The following OXSR1 variants were observed in gnomAD, a reference collection of about 807,000 sequenced individuals.
OXSR1 encodes the protein oxidative stress responsive kinase 1, also known as serine/threonine-protein kinase OSR1.
In OXSR1, 24 loss-of-function variants were observed where a neutral mutation model predicts 79.8. The observed-to-expected ratio is 0.30, with a 90% CI of 0.22 to 0.42. The LOEUF is 0.42. Among genes scored for constraint, OXSR1 ranks in the 10% least tolerant of loss-of-function variants. The probability of loss-of-function intolerance (pLI) is 1.00; values close to 1 mark genes in which losing one functional copy is unlikely to be tolerated. For missense variants in OXSR1, 430 were observed against 618.4 expected (o/e 0.70, Z 3.23); for synonymous variants, 226 against 209.2 (o/e 1.08, Z -0.69).
chr3:38,252,643 G>A (rs920297439), intron 17 of OXSR1, among the ~76,000 whole-genome samples, 174 bp from the exon 18 acceptor site: 9 of 152,066 alleles, frequency 5.9e-5, no homozygotes, highest in Admixed American at 6.6e-5. Flanking sequence ...TCTGACTCTA[G>A]CTGTTTACCC....
chr3:38,236,262 C>G (rs1702916544), intron 10 of OXSR1, among the ~76,000 whole-genome samples: 1 of 152,030 alleles, frequency 6.6e-6, no homozygotes, highest in Non-Finnish European at 1.5e-5. Flanking sequence ...GGAAGTCCTA[C>G]AGATAACTCC....
intron 9 of OXSR1, 109 bp from the exon 10 acceptor site, chr3:38,230,256 A>G: frequency 1.4e-6 from 1 of 726,632 alleles, no homozygotes; most frequent in Admixed American, 2.4e-5. Context: ...CTCACACTTC[A>G]TTACAGAACA....
At chr3:38,251,519 T>TG in intron 16 of OXSR1, 48 bp downstream of exon 16, 1 of 1,421,184 alleles carries the variant, frequency 7.0e-7, no homozygotes, top group African/African-American at 1.4e-5. Context: ...TCTGTCTGTA[T>TG]ACTTAGTACA....
chr3:38,216,730 A>C (rs1160113373), intron 5 of OXSR1, among the ~76,000 whole-genome samples: 1 of 152,176 alleles, frequency 6.6e-6, no homozygotes, highest in Non-Finnish European at 1.5e-5. Flanking sequence ...TCATCTGAGA[A>C]AACCTCAGCT....
intron 5 of OXSR1, 116 bp downstream of exon 5, chr3:38,216,267 C>T: frequency 1.5e-6 from 1 of 658,930 alleles, no homozygotes; most frequent in Non-Finnish European, 2.6e-6. Flanking sequence ...TCTATTCAAG[C>T]ATCCTCTGTT....
intron 12 of OXSR1, among the ~76,000 whole-genome samples, chr3:38,244,674 C>CGT (rs1703104880): frequency 8.1e-5 from 1 of 12,342 alleles, no homozygotes; most frequent in Non-Finnish European, 1.9e-4. Flanking sequence ...TGTGCGTGCG[C>CGT]ATGTACCACA....
intron 4 of OXSR1, among the ~76,000 whole-genome samples, chr3:38,210,777 A>G (rs1254738419): frequency 6.6e-6 from 1 of 152,198 alleles, no homozygotes; most frequent in South Asian, 2.1e-4. Context: ...TCTCTGATGG[A>G]TCTAAGAAGA....
chr3:38,199,005 A>G, intron 4 of OXSR1, 142 bp downstream of exon 4: 2 of 594,608 alleles, frequency 3.4e-6, no homozygotes, highest in East Asian at 5.5e-5. Flanking sequence ...TTAATTATAC[A>G]GCTAGTAAAC....
intron 5 of OXSR1, among the ~76,000 whole-genome samples, chr3:38,220,687 C>T (rs1426910768): frequency 6.6e-6 from 1 of 152,218 alleles, no homozygotes; most frequent in East Asian, 1.9e-4. Flanking sequence ...ATGCTGTTAG[C>T]ATGGCTCAGC....
rs1491372358 is a variant in OXSR1 at position 38,244,670 on chromosome 3, T to TGTGCGC, written c.1111-1404_1111-1403insTGCGCG. ...GTGTGTGTGTGTGTGTGTGTGTGCGTGCGCATGTACCACATTTTATTCATC... is the reference window on the plus strand; with the variant it reads ...GTGTGTGTGTGTGTGTGTGTGTGCGTGTGCGCGCGCATGTACCACATTTTATTCATC... On this transcript the variant is annotated intron_variant, in intron 12 of 17. Transcript: ENST00000311806. Among the ~76,000 whole-genome samples the TGTGCGC allele has an allele frequency of 2.7e-5, 4 of 149,736 alleles. No homozygotes were observed. In the East Asian group the frequency reaches 5.9e-4, roughly 22 times the overall value.
At chr3:38,177,425 A>G (rs904410079) in intron 1 of OXSR1, among the ~76,000 whole-genome samples, 6 of 152,250 alleles carry the variant, frequency 3.9e-5, no homozygotes, top group African/African-American at 2.4e-5. Flanking sequence ...ATCAACTGCA[A>G]ACTATTTCAA....
At chr3:38,229,404 A>G (rs1702758997) in intron 8 of OXSR1, among the ~76,000 whole-genome samples, 1 of 151,906 alleles carries the variant, frequency 6.6e-6, no homozygotes, top group African/African-American at 2.4e-5. Flanking sequence ...CAAATATATT[A>G]GACTCTATTA....
At chr3:38,210,493 T>C (rs1305741127) in intron 4 of OXSR1, among the ~76,000 whole-genome samples, 3 of 152,194 alleles carry the variant, frequency 2.0e-5, no homozygotes, top group African/African-American at 7.2e-5. Flanking sequence ...TTCTCCTGTC[T>C]ATACCCCGAG....
chr3:38,195,793 C>T (rs1054375566), intron 3 of OXSR1, among the ~76,000 whole-genome samples: 2 of 152,122 alleles, frequency 1.3e-5, no homozygotes, highest in African/African-American at 4.8e-5. Flanking sequence ...TAAAGTTTTG[C>T]ATTGCTTTTT....
chr3:38,188,570 T>G (rs936760317), intron 2 of OXSR1, among the ~76,000 whole-genome samples: 3 of 152,222 alleles, frequency 2.0e-5, no homozygotes, highest in African/African-American at 4.8e-5. Flanking sequence ...CAGTCTTGTC[T>G]TCTTCATTGA....
intron 11 of OXSR1, among the ~76,000 whole-genome samples, chr3:38,242,048 C>T (rs1703046995): frequency 6.6e-6 from 1 of 151,972 alleles, no homozygotes; most frequent in South Asian, 2.1e-4. Flanking sequence ...TTACTGCTAA[C>T]TTTTATTATT....
upstream of OXSR1, chr3:38,165,291 T>A (rs905693081): frequency 2.6e-5 from 4 of 152,678 alleles, no homozygotes; most frequent in African/African-American, 7.2e-5. Flanking sequence ...TCGCCATGCT[T>A]AGTGTGGCTA....
chr3:38,228,253 G>A (rs1702731560), intron 8 of OXSR1, among the ~76,000 whole-genome samples: 1 of 152,120 alleles, frequency 6.6e-6, no homozygotes, highest in Non-Finnish European at 1.5e-5. Flanking sequence ...GAACCCATAA[G>A]TTGTACTTTA....
intron 6 of OXSR1, among the ~76,000 whole-genome samples, chr3:38,223,179 A>C (rs939165350): frequency 6.6e-6 from 1 of 152,138 alleles, no homozygotes; most frequent in African/African-American, 2.4e-5. Flanking sequence ...TCTGTCTCCC[A>C]GTCTGGAGTG....
Sources: gnomAD v4.1 joint callset for allele counts (sites outside exome capture counted in the v4.1 genomes callset) on GRCh38, gnomAD v4.1.1 for gene constraint, MANE v1.5 for transcripts, NCBI Gene and HGNC (gene_info 2026-07-23, HGNC 2026-07-21) for gene names.